Variants in EVA1A observed in about 807,000 individuals in gnomAD.
The protein encoded by EVA1A is eva-1 homolog A, regulator of programmed cell death.
EVA1A carries 7 observed loss-of-function variants against 9.8 expected under a neutral mutation model. That is an observed-to-expected ratio of 0.71 (90% confidence interval 0.41 to 1.34). The LOEUF is 1.34. EVA1A is among the 40% of genes most tolerant of loss of function. The pLI is 0.01. For synonymous variants in EVA1A, 90 were observed against 85.6 expected, an observed-to-expected ratio of 1.05 and a Z score of -0.28; for missense variants, 206 against 205.9, an observed-to-expected ratio of 1.00 and a Z score of 0.00.
intron 1 of EVA1A, among the ~76,000 whole-genome samples, chr2:75,533,302 CA>C (rs1488244982): frequency 2.6e-5 from 4 of 152,006 alleles, no homozygotes; most frequent in Admixed American, 2.6e-4. Flanking sequence ...CCATGGAAGT[CA>C]AAAGGCAGTA....
Position 75,493,599 on chromosome 2 carries a change from C to T in EVA1A, c.96G>A (p.Glu32=). ...CAGAAACAAAGTACAGAGCTGCTCG[C>T]TCAGGATTTTCTGGAGGAAGAAGAG... is the stretch of plus-strand genomic sequence containing the variant. ...AAYSFVSENP[E]RAALYFVSGV... is the part of the protein sequence containing the mutation. Residue 32 remains glutamate, a synonymous_variant, in exon 4 of 4, where the codon GAG becomes GAA. Transcript: ENST00000393913. 6.3e-7 allele frequency: 1 copy of T among 1,588,906 alleles called. No homozygotes were observed. Among genetic ancestry groups the T allele is most frequent in the Non-Finnish European group, 8.6e-7 (1 of 1,165,706 alleles).
chr2:75,518,768 G>A, intron 2 of EVA1A: 6 of 986,166 alleles, frequency 6.1e-6, no homozygotes, highest in Non-Finnish European at 7.2e-6. Context: ...CTCCTGCTGT[G>A]CTTTCCCGGG....
chr2:75,552,598 T>C (rs969917681), intron 1 of EVA1A, among the ~76,000 whole-genome samples: 13 of 152,184 alleles, frequency 8.5e-5, no homozygotes, highest in Non-Finnish European at 2.9e-5. Context: ...CACAACAATA[T>C]TAAAAATAAT....
At chr2:75,534,988 C>T (rs1675822494) in intron 1 of EVA1A, among the ~76,000 whole-genome samples, 1 of 152,038 alleles carries the variant, frequency 6.6e-6, no homozygotes, top group Admixed American at 6.5e-5. Flanking sequence ...TTCCCAGCAC[C>T]ATCCACTAAA....
chr2:75,562,186 T>G (rs1460811236), upstream of EVA1A, among the ~76,000 whole-genome samples: 1 of 152,232 alleles, frequency 6.6e-6, no homozygotes, highest in Non-Finnish European at 1.5e-5. Flanking sequence ...CTGTATATTA[T>G]GCTGTATATT....
chr2:75,559,700 G>GGT (rs1249218820), intron 1 of EVA1A, among the ~76,000 whole-genome samples: 8 of 137,294 alleles, frequency 5.8e-5, no homozygotes, highest in South Asian at 2.8e-4. Flanking sequence ...AAGGAGGTGG[G>GGT]GGGGGGGCGG....
chr2:75,559,705 G>T (rs1676849496), intron 1 of EVA1A, among the ~76,000 whole-genome samples: 1 of 133,570 alleles, frequency 7.5e-6, no homozygotes, highest in Admixed American at 7.4e-5. Flanking sequence ...GGTGGGGGGG[G>T]GGCGGGGGAG....
rs761796788 is a variant in EVA1A, at chr2:75,493,202, C to A, written c.*34G>T. 7 of 1,572,976 alleles carry A rather than the reference C, an allele frequency of 4.5e-6. No individual in the cohort carries two copies. The highest frequency in any genetic ancestry group is 6.0e-6 in the Non-Finnish European group (7 of 1,159,240). ...CCCTGCAGACGCTCTCCTTTCCAGG[C>A]GGCCTCCAGTGGTTTCCGGGGTCCT... On this transcript the variant is annotated 3_prime_UTR_variant, in exon 4 of 4. Transcript: ENST00000393913.
chr2:75,564,818 A>G (rs1025986604), upstream of EVA1A, among the ~76,000 whole-genome samples: 1 of 152,180 alleles, frequency 6.6e-6, no homozygotes, highest in African/African-American at 2.4e-5. Flanking sequence ...ACACAAGCTC[A>G]TTGTGGCAAA....
intron 1 of EVA1A, among the ~76,000 whole-genome samples, chr2:75,546,923 A>C (rs1410921897): frequency 1.3e-5 from 2 of 151,574 alleles, no homozygotes; most frequent in South Asian, 2.1e-4. Context: ...AAAAAAAAAA[A>C]AAAACACCTA....
chr2:75,536,835 A>G (rs1337104356), intron 1 of EVA1A, among the ~76,000 whole-genome samples: 2 of 152,142 alleles, frequency 1.3e-5, no homozygotes, highest in Admixed American at 6.5e-5. Flanking sequence ...AAAAAAAAAC[A>G]ACTTCAGGCC....
intron 1 of EVA1A, among the ~76,000 whole-genome samples, chr2:75,525,345 C>T (rs1329530303): frequency 1.3e-5 from 2 of 152,180 alleles, no homozygotes; most frequent in Non-Finnish European, 2.9e-5. Context: ...TACTTCCCTT[C>T]ACAGCCATAC....
chr2:75,513,581 A>C (rs1674896087), intron 3 of EVA1A, among the ~76,000 whole-genome samples: 1 of 152,172 alleles, frequency 6.6e-6, no homozygotes, highest in South Asian at 2.1e-4. Flanking sequence ...AGATATCTGC[A>C]CTCCATACTC....
At chr2:75,510,230 G>T (rs1250262043) in intron 3 of EVA1A, among the ~76,000 whole-genome samples, 1 of 152,032 alleles carries the variant, frequency 6.6e-6, no homozygotes, top group African/African-American at 2.4e-5. Context: ...AATGTTTTGT[G>T]CATATGTTTC....
intron 1 of EVA1A, among the ~76,000 whole-genome samples, chr2:75,539,062 C>CA (rs36055805): frequency 6.6e-6 from 1 of 152,060 alleles, no homozygotes; most frequent in African/African-American, 2.4e-5. Flanking sequence ...AAATTATCTC[C>CA]AAAAAAAGTC....
chr2:75,552,306 C>T (rs1676554110), intron 1 of EVA1A, among the ~76,000 whole-genome samples: 1 of 152,130 alleles, frequency 6.6e-6, no homozygotes, highest in Non-Finnish European at 1.5e-5. Context: ...TCAAACTCAA[C>T]ATATCTGAAA....
chr2:75,562,047 G>T (rs1377332389), upstream of EVA1A, among the ~76,000 whole-genome samples: 3 of 152,174 alleles, frequency 2.0e-5, no homozygotes, highest in African/African-American at 7.2e-5. Flanking sequence ...ACACCACATG[G>T]AAGCTTTATG....
chr2:75,503,273 G>A (rs1394439790), intron 3 of EVA1A, among the ~76,000 whole-genome samples: 1 of 152,130 alleles, frequency 6.6e-6, no homozygotes, highest in Non-Finnish European at 1.5e-5. Context: ...AATACTTTCT[G>A]CTCCAGGTCA....
chr2:75,530,249 CA>C (rs1675595980), intron 1 of EVA1A, among the ~76,000 whole-genome samples: 1 of 151,304 alleles, frequency 6.6e-6, no homozygotes, highest in Non-Finnish European at 1.5e-5. Context: ...AAGATTGAAA[CA>C]ATAACAAAAA....
Sources: gnomAD v4.1 joint callset for allele counts (sites outside exome capture counted in the v4.1 genomes callset) on GRCh38, gnomAD v4.1.1 for gene constraint, MANE v1.5 for transcripts, NCBI Gene and HGNC (gene_info 2026-07-23, HGNC 2026-07-21) for gene names.